CSF1R: variants seen among roughly 807,000 people sequenced by gnomAD.
CSF1R encodes the protein macrophage colony-stimulating factor 1 receptor.
Under a neutral mutation model 110.0 loss-of-function variants are expected in CSF1R, and 40 were observed. The observed-to-expected ratio is 0.36, with a 90% CI of 0.28 to 0.47. The LOEUF (loss-of-function observed/expected upper bound fraction) is 0.47, where lower values mean the gene tolerates loss of function less well. CSF1R is among the 20% of genes least tolerant of loss of function. CSF1R has a pLI of 0.99. For synonymous variants in CSF1R, 523 were observed against 503.4 expected, an observed-to-expected ratio of 1.04 and a Z score of -0.52; for missense variants, 1,052 against 1,253.0, an observed-to-expected ratio of 0.84 and a Z score of 2.42.
upstream of CSF1R, among the ~76,000 whole-genome samples, chr5:150,089,703 A>T (rs1008516824): frequency 8.5e-5 from 13 of 152,236 alleles, no homozygotes; most frequent in Admixed American, 4.6e-4. Flanking sequence ...CTGATTCTCA[A>T]ATTCATATGG....
chr5:150,090,129 C>T (rs1470891152), upstream of CSF1R, among the ~76,000 whole-genome samples: 1 of 152,094 alleles, frequency 6.6e-6, no homozygotes, highest in East Asian at 1.9e-4. Context: ...AATGATTTCT[C>T]AGATATGTTT....
chr5:150,109,278 G>C (rs1158835558), intron 1 of CSF1R, among the ~76,000 whole-genome samples: 2 of 152,174 alleles, frequency 1.3e-5, no homozygotes, highest in African/African-American at 2.4e-5. Context: ...TCATCTGGAG[G>C]CTCCTCTCAC....
In CSF1R at chr5:150,080,290, G is replaced by C. The variant is rs750046493; in HGVS notation, c.354C>G (p.Phe118Leu). Residue 118 changes from phenylalanine to leucine, a missense_variant, in exon 3 of 21, where the codon TTC (phenylalanine) becomes TTG (leucine). Physicochemically the swap from Phe to Leu is conservative, Grantham distance 22. Around this residue, in one of 5 missense-constraint regions of CSF1R, gnomAD observed 693 missense variants for 735.4 expected, o/e 0.94. Coordinates refer to ENST00000675795, the MANE Select transcript of CSF1R (RefSeq NM_001288705.3). ...WNVLAQEVVV[F>L]EDQDALLPCL... ...AGGGCAGTAGTGCGTCCTGGTCCTC[G>C]AACACGACCACCTCCTGTGCTAGCA... 1.2e-6 allele frequency: 2 copies of C among 1,613,768 alleles called. No individual in the cohort carries two copies. The highest frequency in any genetic ancestry group is 2.7e-5 in the African/African-American group (2 of 74,930).
intron 1 of CSF1R, among the ~76,000 whole-genome samples, chr5:150,105,366 ATAT>A: frequency 2.3e-5 from 2 of 86,694 alleles, no homozygotes; most frequent in African/African-American, 1.0e-4. Flanking sequence ...AAAAAAAAAT[ATAT>A]ATATATATAT....
intron 1 of CSF1R, among the ~76,000 whole-genome samples, chr5:150,085,277 GA>G (rs70973563): frequency 0.32 from 29,195 of 92,644 alleles, 4,554 homozygotes; most frequent in Middle Eastern, 0.48. Flanking sequence ...TCTGTCTCAG[GA>G]AAAAAAAAAA....
At position 150,069,826 on chromosome 5, in the gene CSF1R, C is replaced by G. The variant is rs924925120; in HGVS notation, c.1510+47G>C. Reference sequence around the variant, plus strand: ...GAGGAGCCGCCTAAAGGAGCAGGGGCGGGGGGCGGGCGGGGGGGCGGTGCG... The same window carrying G: ...GAGGAGCCGCCTAAAGGAGCAGGGGGGGGGGGCGGGCGGGGGGGCGGTGCG... On this transcript the variant is annotated intron_variant, in intron 9 of 20. Coordinates refer to ENST00000675795, the MANE Select transcript of CSF1R (RefSeq NM_001288705.3). 29 of 1,357,734 alleles carry G rather than the reference C, an allele frequency of 2.1e-5. No homozygotes were observed. The African/African-American group carries it at 7.3e-4, about 34-fold the overall frequency. 84.1% of individuals were successfully genotyped at this position (1,357,734 alleles called of 1,614,324 possible).
chr5:150,099,839 T>C (rs906310510), intron 1 of CSF1R, among the ~76,000 whole-genome samples: 5 of 152,136 alleles, frequency 3.3e-5, no homozygotes, highest in African/African-American at 1.2e-4. Flanking sequence ...AGTAGCAGAA[T>C]TGTAGACTAA....
chr5:150,077,136 G>T, intron 5 of CSF1R, 140 bp downstream of exon 5: 1 of 1,114,068 alleles, frequency 9.0e-7, no homozygotes, highest in Non-Finnish European at 1.3e-6. Flanking sequence ...TGGCTCCTTA[G>T]CCAGGCCTTG....
At chr5:150,071,784 C>T (rs569456738) in intron 6 of CSF1R, among the ~76,000 whole-genome samples, 1 of 152,292 alleles carries the variant, frequency 6.6e-6, no homozygotes, top group Non-Finnish European at 1.5e-5. Flanking sequence ...AGGGCCTACA[C>T]ATTCCAGATT....
At chr5:150,061,979 G>A in intron 10 of CSF1R, 130 bp from the exon 11 acceptor site, 1 of 1,254,332 alleles carries the variant, frequency 8.0e-7, no homozygotes, top group Non-Finnish European at 1.1e-6. Flanking sequence ...GGCAAGGCCT[G>A]CTCTGGGCTG....
chr5:150,080,809 C>T lies in CSF1R; in HGVS notation c.265G>A (p.Asp89Asn). ...TGTYRCTEPG[D>N]PLGGSAAIHL... ...ATGGCGGCGCTGCCTCCCAGGGGGT[C>T]TCCAGGCTCAGTGCAGCGATAGGTC... The change falls in exon 2 of 21, where the codon GAC becomes AAC. Residue 89 changes from aspartate (D) to asparagine (N), a missense_variant. This residue lies in a region of CSF1R where 693 missense variants were observed against 735.4 expected (regional missense o/e 0.94). Transcript: ENST00000675795. The T allele has an allele frequency of 6.2e-7, 1 of 1,614,158 alleles. No individual in the cohort carries two copies.
At chr5:150,068,400 A>C in intron 9 of CSF1R, 70 bp from the exon 10 acceptor site, 1 of 980,438 alleles carries the variant, frequency 1.0e-6, no homozygotes, top group Non-Finnish European at 1.6e-6. Flanking sequence ...AGGCCTGCAC[A>C]CTGCCTGGAA....
At chr5:150,056,657 A>T (rs1581280577) in intron 16 of CSF1R, among the ~76,000 whole-genome samples, 1 of 151,622 alleles carries the variant, frequency 6.6e-6, no homozygotes, top group South Asian at 2.1e-4. Flanking sequence ...CAGTCTCCAA[A>T]CCCTACCGTT....
Position 150,061,668 on chromosome 5 carries a change from C to A in CSF1R, c.1753+55G>T, listed in dbSNP as rs1311634840. The A allele has an allele frequency of 4.3e-6, 7 of 1,614,140 alleles. No homozygotes were observed. In the East Asian group the frequency reaches 1.1e-4, roughly 26 times the overall value. On this transcript the variant is annotated intron_variant, in intron 11 of 20. Transcript: ENST00000675795. ...TGTCCAAGGGCCCATGGGCTCCCTG[C>A]AACCCCCACAGGCCCTGTGATAGGA...
At chr5:150,060,124 G>C (rs537415620) in intron 13 of CSF1R, among the ~76,000 whole-genome samples, 2 of 151,968 alleles carry the variant, frequency 1.3e-5, no homozygotes, top group Non-Finnish European at 2.9e-5. Flanking sequence ...TCAGGAGATC[G>C]AGACCATCCT....
rs1757026278 is a variant in CSF1R at position 150,053,579 on chromosome 5, G to GCTC, written c.*489_*490insGAG. 1 of 249,236 alleles carries GCTC rather than the reference G, an allele frequency of 4.0e-6. No individual in the cohort carries two copies. Among genetic ancestry groups the GCTC allele is most frequent in the Admixed American group, 5.1e-5 (1 of 19,686 alleles). 15.4% of individuals were successfully genotyped at this position (249,236 alleles called of 1,614,324 possible). ...ACTAAGAGGTCCTGTGAGATTCTTAGAGGAGCCATCCTGCTCCAAGGGGCC... is the reference window on the plus strand; with the variant it reads ...ACTAAGAGGTCCTGTGAGATTCTTAGCTCAGGAGCCATCCTGCTCCAAGGGGCC... On this transcript the variant is annotated 3_prime_UTR_variant, in exon 21 of 21. Coordinates refer to ENST00000675795, the MANE Select transcript of CSF1R (RefSeq NM_001288705.3).
Position 150,070,575 on chromosome 5 carries a change from C to A in CSF1R, c.1083-4G>T. The A allele has an allele frequency of 6.6e-7, 1 of 1,512,110 alleles. No homozygotes were observed. The allele number at this position is 1,512,110 out of a possible 1,614,324, so 93.7% of individuals were successfully genotyped here. A position where few individuals can be genotyped will look rare whatever the true frequency, so the allele number is the denominator to read the frequency against. On this transcript the variant is annotated splice_polypyrimidine_tract_variant and splice_region_variant and intron_variant, in intron 6 of 20. Coordinates refer to ENST00000675795, the MANE Select transcript of CSF1R (RefSeq NM_001288705.3). ...CAGAGAGAGGGTGAAGGTGTGCCTG[C>A]AGGAGAGAATCAGGTGGTGTTGGTG...
At chr5:150,080,650 G>T in intron 2 of CSF1R, 117 bp downstream of exon 2, 1 of 1,319,106 alleles carries the variant, frequency 7.6e-7, no homozygotes, top group Non-Finnish European at 1.0e-6. Context: ...CCAGGTCCTT[G>T]CTCATAGCCA....
chr5:150,112,314 G>A (rs1759744665), intron 1 of CSF1R, among the ~76,000 whole-genome samples: 1 of 152,248 alleles, frequency 6.6e-6, no homozygotes, highest in African/African-American at 2.4e-5. Flanking sequence ...CAGGTCACTG[G>A]GCTTTTGGGA....
Sources: gnomAD v4.1 joint callset for allele counts (sites outside exome capture counted in the v4.1 genomes callset) on GRCh38, gnomAD v4.1.1 for gene constraint, gnomAD v4.1.1 regional missense constraint, MANE v1.5 for transcripts, NCBI Gene and HGNC (gene_info 2026-07-23, HGNC 2026-07-21) for gene names.